WNK1: variants seen among roughly 807,000 people sequenced by gnomAD.
The protein encoded by WNK1 is serine/threonine-protein kinase WNK1.
WNK1 carries 38 observed loss-of-function variants against 222.8 expected under a neutral mutation model. That is an observed-to-expected ratio of 0.17 (90% CI 0.13 to 0.22). The LOEUF (loss-of-function observed/expected upper bound fraction) is 0.22. WNK1 is among the 10% of genes least tolerant of loss of function. The pLI is 1.00. For missense variants in WNK1, 2,348 were observed against 2,918.4 expected (o/e 0.80, Z 4.50); for synonymous variants, 1,090 against 1,092.9 (o/e 1.00, Z 0.05).
In WNK1 at chr12:832,692, A is replaced by G. The variant is rs149680159; in HGVS notation, c.1311+2532A>G. ...TTGGGATGGTATTTTGTCAGTTATT[A>G]TTATTAGGTGTATGTCTACAAGTGT... On this transcript the variant is annotated intron_variant, in intron 4 of 27. Transcript: ENST00000315939. 6.5e-4 allele frequency among the ~76,000 whole-genome samples: 99 copies of G among 152,318 alleles called. No individual in the cohort carries two copies. The East Asian group carries it at 0.016, about 25-fold the overall frequency.
chr12:799,087 G>A (rs1244924267), intron 1 of WNK1, among the ~76,000 whole-genome samples: 1 of 152,004 alleles, frequency 6.6e-6, no homozygotes, highest in African/African-American at 2.4e-5. Flanking sequence ...ATTTTAGGTT[G>A]ACATTATTTT....
At chr12:895,282 A>G (rs1479478129) in intron 23 of WNK1, among the ~76,000 whole-genome samples, 1 of 152,212 alleles carries the variant, frequency 6.6e-6, no homozygotes, top group Non-Finnish European at 1.5e-5. Context: ...TGGACAAACC[A>G]GAACAAGGAT....
chr12:823,383 C>A (rs1458677223), intron 2 of WNK1, among the ~76,000 whole-genome samples: 1 of 152,084 alleles, frequency 6.6e-6, no homozygotes, highest in African/African-American at 2.4e-5. Context: ...TCTTTTCTGT[C>A]TTCTTTATCT....
chr12:892,492 G>A (rs962600347), intron 22 of WNK1, among the ~76,000 whole-genome samples: 3 of 152,094 alleles, frequency 2.0e-5, no homozygotes, highest in Non-Finnish European at 4.4e-5. Context: ...TAAGTTCAAT[G>A]TCTAATCCAG....
At chr12:773,559 A>G (rs1401208466) in intron 1 of WNK1, among the ~76,000 whole-genome samples, 1 of 152,208 alleles carries the variant, frequency 6.6e-6, no homozygotes, top group African/African-American at 2.4e-5. Context: ...ACCCCACTGA[A>G]GTTTCATCAC....
chr12:889,405 A>G (rs951996062), intron 21 of WNK1, among the ~76,000 whole-genome samples, 182 bp downstream of exon 21: 1 of 152,226 alleles, frequency 6.6e-6, no homozygotes, highest in Non-Finnish European at 1.5e-5. Flanking sequence ...GAGTATCACT[A>G]TGGAAAAGAT....
intron 12 of WNK1, 25 bp from the exon 13 acceptor site, chr12:881,667 T>C (rs368295574): frequency 1.4e-4 from 221 of 1,576,454 alleles, no homozygotes; most frequent in Non-Finnish European, 1.8e-4. Context: ...ACTACCGAGA[T>C]TTGAGTTATC....
At chr12:824,599 G>A (rs1461941047) in intron 2 of WNK1, among the ~76,000 whole-genome samples, 1 of 151,954 alleles carries the variant, frequency 6.6e-6, no homozygotes, top group Non-Finnish European at 1.5e-5. Flanking sequence ...TAAAATGATA[G>A]ATATAATTTA....
At chr12:879,032 G>A (rs970938523) in intron 10 of WNK1, among the ~76,000 whole-genome samples, 1 of 152,122 alleles carries the variant, frequency 6.6e-6, no homozygotes, top group Non-Finnish European at 1.5e-5. Flanking sequence ...TGATCAGGTA[G>A]TGGAGAGGGA....
intron 12 of WNK1, 124 bp from the exon 13 acceptor site, chr12:881,568 C>G: frequency 1.3e-6 from 1 of 771,192 alleles, no homozygotes; most frequent in Non-Finnish European, 2.3e-6. Flanking sequence ...TGAGAATTTA[C>G]TAGTAAATTT....
chr12:859,197 C>T, intron 5 of WNK1, 48 bp from the exon 6 acceptor site: 2 of 1,479,724 alleles, frequency 1.4e-6, no homozygotes, highest in Non-Finnish European at 9.4e-7. Context: ...TTTTTTCAAA[C>T]TAATGGTGTT....
chr12:791,225 C>CCACACACACA lies in WNK1; in HGVS notation c.760-22394_760-22385dup, dbSNP rs141810227. Among the ~76,000 whole-genome samples the CCACACACACA allele has an allele frequency of 5.1e-3, 746 of 145,260 alleles. 1 individual carries two copies. The highest frequency in any genetic ancestry group is 9.2e-3 in the Admixed American group (133 of 14,484). On this transcript the variant is annotated intron_variant, in intron 1 of 27. Coordinates refer to ENST00000315939, the MANE Select transcript of WNK1 (RefSeq NM_018979.4). The stretch of plus-strand genomic sequence containing the variant: ...TAACAGAATTTTACTATTTCTCTCA[C>CCACACACACA]CACACACACACACACACACACACAC...
intron 26 of WNK1, chr12:906,843 T>A: frequency 1.4e-6 from 1 of 693,474 alleles, no homozygotes; most frequent in Non-Finnish European, 1.8e-6. Flanking sequence ...AGTTCATGAC[T>A]AAGCAACATA....
At chr12:756,718 T>G (rs887412950) in intron 1 of WNK1, among the ~76,000 whole-genome samples, 6 of 152,232 alleles carry the variant, frequency 3.9e-5, no homozygotes, top group African/African-American at 1.4e-4. Flanking sequence ...TGGGTCAGTG[T>G]TTGAACTTTT....
intron 26 of WNK1, chr12:901,710 G>GT: frequency 1.0e-6 from 1 of 979,754 alleles, no homozygotes; most frequent in Non-Finnish European, 1.4e-6. Flanking sequence ...TGGATCTGAT[G>GT]TTTCACGCAG....
At chr12:778,635 A>T (rs556145916) in intron 1 of WNK1, among the ~76,000 whole-genome samples, 207 of 141,548 alleles carry the variant, frequency 1.5e-3, no homozygotes, top group Non-Finnish European at 2.7e-3. Context: ...CCGGCCAATG[A>T]TCTTTTTTTT....
chr12:766,510 G>A (rs1388524308), intron 1 of WNK1, among the ~76,000 whole-genome samples: 1 of 151,260 alleles, frequency 6.6e-6, no homozygotes, highest in South Asian at 2.1e-4. Flanking sequence ...AGACAGTCTC[G>A]CTCTGTCACC....
chr12:868,930 C>T (rs772176386), intron 8 of WNK1: 2 of 1,592,534 alleles, frequency 1.3e-6, no homozygotes, highest in Non-Finnish European at 1.7e-6. Flanking sequence ...AGTCACCTCC[C>T]CCTACAGGGG....
chr12:778,626 C>A (rs60781156), intron 1 of WNK1, among the ~76,000 whole-genome samples: 6 of 150,442 alleles, frequency 4.0e-5, no homozygotes, highest in Admixed American at 6.7e-5. Flanking sequence ...CCACCGTGCC[C>A]GGCCAATGAT....
Sources: allele counts gnomAD v4.1 joint callset (sites outside exome capture counted in the v4.1 genomes callset), GRCh38; gene constraint gnomAD v4.1.1; transcripts MANE v1.5; gene names NCBI Gene and HGNC (gene_info 2026-07-23, HGNC 2026-07-21).